GPR158: variants seen among roughly 807,000 people sequenced by gnomAD.
GPR158 encodes the protein G protein-coupled receptor 158, also known as metabotropic glycine receptor.
A neutral mutation model predicts 78.2 loss-of-function variants in GPR158; 30 were observed. That is an observed-to-expected ratio of 0.38 (90% CI 0.29 to 0.52). The LOEUF (loss-of-function observed/expected upper bound fraction) is 0.52. GPR158 is among the 20% of genes least tolerant of loss of function. GPR158 has a pLI of 0.83. For missense variants in GPR158, 1,463 were observed against 1,523.5 expected, an observed-to-expected ratio of 0.96 and a Z score of 0.66; for synonymous variants, 581 against 591.1, an observed-to-expected ratio of 0.98 and a Z score of 0.25.
intron 1 of GPR158, among the ~76,000 whole-genome samples, chr10:25,196,202 TCTTAA>T (rs1852841489): frequency 6.6e-6 from 1 of 152,018 alleles, no homozygotes; most frequent in Non-Finnish European, 1.5e-5. Context: ...TTTCTATATT[TCTTAA>T]CTTTTCTTTC....
chr10:25,327,251 AACACACAC>A (rs141069877), intron 2 of GPR158, among the ~76,000 whole-genome samples: 1 of 149,170 alleles, frequency 6.7e-6, no homozygotes, highest in South Asian at 2.1e-4. Flanking sequence ...GACACTTACA[AACACACAC>A]ACACACACAC....
At chr10:25,180,906 G>A (rs990021211) in intron 1 of GPR158, among the ~76,000 whole-genome samples, 2 of 151,892 alleles carry the variant, frequency 1.3e-5, no homozygotes, top group Non-Finnish European at 1.5e-5. Context: ...GGAGATAAAG[G>A]AAAGATCACA....
chr10:25,362,184 A>G (rs921226798), intron 2 of GPR158, among the ~76,000 whole-genome samples: 2 of 151,968 alleles, frequency 1.3e-5, no homozygotes, highest in Non-Finnish European at 2.9e-5. Context: ...GGATATCCAG[A>G]TTATTTCAGC....
intron 5 of GPR158, among the ~76,000 whole-genome samples, chr10:25,506,104 G>A (rs962120839): frequency 2.6e-5 from 4 of 152,206 alleles, no homozygotes; most frequent in African/African-American, 7.2e-5. Flanking sequence ...GGTTCTGGCT[G>A]TAGCACACAA....
At chr10:25,503,771 T>G (rs1835973973) in intron 5 of GPR158, among the ~76,000 whole-genome samples, 1 of 152,200 alleles carries the variant, frequency 6.6e-6, no homozygotes, top group African/African-American at 2.4e-5. Context: ...CAGCTCCCAC[T>G]CTCACTGTTG....
intron 4 of GPR158, among the ~76,000 whole-genome samples, chr10:25,424,061 G>A (rs571289669): frequency 6.6e-6 from 1 of 152,172 alleles, no homozygotes; most frequent in African/African-American, 2.4e-5. Context: ...CTGACTTTTT[G>A]ATGATTGCCA....
intron 1 of GPR158, among the ~76,000 whole-genome samples, chr10:25,209,436 TA>T (rs1251050918): frequency 6.7e-6 from 1 of 148,468 alleles, no homozygotes; most frequent in African/African-American, 2.5e-5. Context: ...AATGAATGAG[TA>T]AATTGTATCT....
intron 3 of GPR158, among the ~76,000 whole-genome samples, chr10:25,405,344 ATACT>A (rs913071017): frequency 1.3e-4 from 20 of 151,990 alleles, no homozygotes; most frequent in African/African-American, 4.8e-4. Context: ...ATTGCAAAAG[ATACT>A]TTTTTTTAAC....
At chr10:25,507,895 A>G (rs188912410) in intron 5 of GPR158, among the ~76,000 whole-genome samples, 84 of 152,316 alleles carry the variant, frequency 5.5e-4, no homozygotes, top group Admixed American at 5.2e-3. Context: ...AACCTACAAT[A>G]CTAAAGTTAT....
intron 3 of GPR158, among the ~76,000 whole-genome samples, chr10:25,400,651 T>G (rs1834431599): frequency 6.6e-6 from 1 of 152,200 alleles, no homozygotes; most frequent in Non-Finnish European, 1.5e-5. Flanking sequence ...GTTGTTCCCT[T>G]CCAGGTTGAT....
chr10:25,236,925 A>C (rs1361417392), intron 2 of GPR158, among the ~76,000 whole-genome samples: 1 of 152,246 alleles, frequency 6.6e-6, no homozygotes, highest in Non-Finnish European at 1.5e-5. Flanking sequence ...ATAAATGTAT[A>C]TGAAGTTGTA....
chr10:25,374,972 A>G (rs1834055882), intron 2 of GPR158, among the ~76,000 whole-genome samples: 1 of 151,720 alleles, frequency 6.6e-6, no homozygotes, highest in African/African-American at 2.4e-5. Context: ...TTTCCAAAGC[A>G]TTTTCAGAGT....
Position 25,221,054 on chromosome 10 carries a change from G to A in GPR158, c.905G>A (p.Gly302Asp), listed in dbSNP as rs758189065. 2 of 1,461,936 alleles carry A rather than the reference G, an allele frequency of 1.4e-6. No homozygotes were observed. The highest frequency in any genetic ancestry group is 1.4e-5 in the African/African-American group (1 of 71,908). The allele number at this position is 1,461,936 out of a possible 1,614,324, so 90.6% of individuals were successfully genotyped here. The change falls in exon 2 of 11, where the codon GGT becomes GAT. Residue 302 changes from glycine (G) to aspartate (D), a missense_variant and splice_region_variant. Coordinates refer to ENST00000376351, the MANE Select transcript of GPR158 (RefSeq NM_020752.3). ...TTTTTATCCTTTTCTATTTCTAGGG[G>A]TGTCATGAAAGTTGACATAAATCTT... ...LQPNLVPEFR[G>D]VMKVDINLQK...
chr10:25,434,399 T>TA (rs1414944697), intron 4 of GPR158, among the ~76,000 whole-genome samples: 3 of 152,170 alleles, frequency 2.0e-5, no homozygotes, highest in African/African-American at 4.8e-5. Context: ...TCAAATATGC[T>TA]AAAAAAGAGC....
chr10:25,227,902 G>A (rs1229769644), intron 2 of GPR158, among the ~76,000 whole-genome samples: 1 of 152,084 alleles, frequency 6.6e-6, no homozygotes, highest in East Asian at 1.9e-4. Flanking sequence ...TTATTGGATT[G>A]GCAAGCAGTA....
chr10:25,385,043 T>A (rs1834204933), intron 2 of GPR158, among the ~76,000 whole-genome samples: 1 of 152,192 alleles, frequency 6.6e-6, no homozygotes, highest in African/African-American at 2.4e-5. Context: ...TTATTTATAT[T>A]CATTGTTGTG....
At chr10:25,353,870 C>T (rs149408965) in intron 2 of GPR158, among the ~76,000 whole-genome samples, 80 of 152,118 alleles carry the variant, frequency 5.3e-4, no homozygotes, top group African/African-American at 1.9e-3. Flanking sequence ...TAAGTAAGAA[C>T]TTAGCTCTGC....
chr10:25,461,786 G>A (rs1173385665), intron 4 of GPR158, among the ~76,000 whole-genome samples: 1 of 148,134 alleles, frequency 6.8e-6, no homozygotes, highest in Non-Finnish European at 1.5e-5. Flanking sequence ...AGGCTGGAGT[G>A]CAGTGGTGTG....
chr10:25,457,428 A>T (rs1288505381), intron 4 of GPR158, among the ~76,000 whole-genome samples: 1 of 150,904 alleles, frequency 6.6e-6, no homozygotes, highest in East Asian at 1.9e-4. Context: ...TTTTGACTGT[A>T]TGACTTCTGT....
Sources: gnomAD v4.1 joint callset for allele counts (sites outside exome capture counted in the v4.1 genomes callset) on GRCh38, gnomAD v4.1.1 for gene constraint, MANE v1.5 for transcripts, NCBI Gene and HGNC (gene_info 2026-07-23, HGNC 2026-07-21) for gene names.